Variants in PDE1C observed in about 807,000 individuals in gnomAD.
PDE1C encodes the protein dual specificity calcium/calmodulin-dependent 3',5'-cyclic nucleotide phosphodiesterase 1C.
A neutral mutation model predicts 93.1 loss-of-function variants in PDE1C; 62 were observed. That is an observed-to-expected ratio of 0.67 (90% CI 0.54 to 0.82). The LOEUF (loss-of-function observed/expected upper bound fraction) is 0.82, where lower values mean the gene tolerates loss of function less well. Among genes scored for constraint, PDE1C ranks in the 40% least tolerant of loss-of-function variants. The probability of loss-of-function intolerance (pLI) is 0.00; values close to 1 mark genes in which losing one functional copy is unlikely to be tolerated. For missense variants in PDE1C, 742 were observed against 884.6 expected, an observed-to-expected ratio of 0.84 and a Z score of 2.04; for synonymous variants, 325 against 310.1, an observed-to-expected ratio of 1.05 and a Z score of -0.50.
intron 2 of PDE1C, among the ~76,000 whole-genome samples, chr7:31,997,907 G>GA (rs1784929516): frequency 6.6e-6 from 1 of 152,134 alleles, no homozygotes. Flanking sequence ...TTTGAACTTG[G>GA]AATATATGAG....
Position 31,775,681 on chromosome 7 carries a change from C to CA in PDE1C, c.1942dup (p.Cys648LeufsTer16). The CA allele has an allele frequency of 1.2e-6, 2 of 1,612,742 alleles. No homozygotes were observed. Among genetic ancestry groups the CA allele is most frequent in the African/African-American group, 1.3e-5 (1 of 75,016 alleles). On this transcript the variant is annotated frameshift_variant, in exon 17 of 18. Transcript: ENST00000396191. LOFTEE classifies it high-confidence loss of function. Reference sequence around the variant, plus strand: ...TTACCCACCTGGCAACGTAAGGCGACACGTGGAGCTGGTGCTTGGGGCTGG... The same window carrying CA: ...TTACCCACCTGGCAACGTAAGGCGACAACGTGGAGCTGGTGCTTGGGGCTGG...
chr7:31,642,588 C>A, the PDE1C span: 1 of 1,134,538 alleles, frequency 8.8e-7, no homozygotes, highest in Non-Finnish European at 1.2e-6. Flanking sequence ...TATCTCCTGA[C>A]TCCTAAGGCA....
intron 2 of PDE1C, among the ~76,000 whole-genome samples, chr7:31,974,344 CTT>C (rs1563128620): frequency 2.6e-5 from 4 of 152,130 alleles, no homozygotes; most frequent in Admixed American, 2.0e-4. Context: ...CAACAAAAAT[CTT>C]TGTCAAATTT....
At chr7:32,044,677 C>T (rs1006754621) in intron 2 of PDE1C, among the ~76,000 whole-genome samples, 4 of 152,020 alleles carry the variant, frequency 2.6e-5, no homozygotes, top group Non-Finnish European at 4.4e-5. Context: ...GCCCACAATC[C>T]GTTAGGGACC....
chr7:31,738,546 T>G, the PDE1C span, among the ~76,000 whole-genome samples: 1 of 152,116 alleles, frequency 6.6e-6, no homozygotes, highest in African/African-American at 2.4e-5. Context: ...AAGGTGAGAT[T>G]TGGGTGAAGA....
At chr7:31,834,187 C>T (rs972186086) in intron 11 of PDE1C, among the ~76,000 whole-genome samples, 1 of 152,218 alleles carries the variant, frequency 6.6e-6, no homozygotes, top group African/African-American at 2.4e-5. Context: ...ATGAAACCAC[C>T]TGGATGTCCA....
chr7:32,317,685 G>A (rs1191254161), intron 1 of PDE1C, among the ~76,000 whole-genome samples: 1 of 151,966 alleles, frequency 6.6e-6, no homozygotes. Context: ...ATATTGACAT[G>A]AACAGTGCAA....
At chr7:31,946,066 T>A (rs1806564237) in intron 2 of PDE1C, among the ~76,000 whole-genome samples, 1 of 152,194 alleles carries the variant, frequency 6.6e-6, no homozygotes, top group Admixed American at 6.5e-5. Flanking sequence ...CCATCTATTA[T>A]TGCATGTTGT....
chr7:31,660,250 T>C, the PDE1C span, among the ~76,000 whole-genome samples: 2 of 152,202 alleles, frequency 1.3e-5, no homozygotes, highest in Admixed American at 6.5e-5. Context: ...TAGCCCACTG[T>C]CACTTTTCTA....
chr7:32,372,233 T>C (rs1683145318), intron 1 of PDE1C, among the ~76,000 whole-genome samples: 1 of 152,042 alleles, frequency 6.6e-6, no homozygotes, highest in African/African-American at 2.4e-5. Context: ...TTTGCATTTT[T>C]AATAGAGATG....
chr7:31,975,394 G>T lies in PDE1C; in HGVS notation c.128+76160C>A, dbSNP rs867811736. 3.3e-5 allele frequency among the ~76,000 whole-genome samples: 5 copies of T among 152,172 alleles called. 1 individual carries two copies. In the Middle Eastern group the frequency reaches 0.017, roughly 518 times the overall value. On this transcript the variant is annotated intron_variant, in intron 2 of 17. Transcript: ENST00000396191. ...GCAATTCTATCAAAATGTCCGTGTA[G>T]CACCAATCCCTTCCTCTCAGACCTA...
At chr7:32,226,111 G>C (rs1053350710) in intron 1 of PDE1C, among the ~76,000 whole-genome samples, 1 of 152,108 alleles carries the variant, frequency 6.6e-6, no homozygotes, top group Non-Finnish European at 1.5e-5. Context: ...AGAGGATTTT[G>C]ACGTCCATTG....
At chr7:31,849,901 T>C (rs10951311) in intron 8 of PDE1C, among the ~76,000 whole-genome samples, 76,547 of 151,984 alleles carry the variant, frequency 0.5, 21,736 homozygotes, top group Non-Finnish European at 0.62. Flanking sequence ...ACTGGTGCTA[T>C]TGCCTGGAAT....
intron 2 of PDE1C, among the ~76,000 whole-genome samples, chr7:31,905,809 T>C (rs1185758885): frequency 1.3e-5 from 2 of 152,134 alleles, no homozygotes; most frequent in African/African-American, 4.8e-5. Flanking sequence ...AGGAACCTGG[T>C]AGGAGGTAAT....
At chr7:32,338,245 T>C (rs1264524413) in intron 1 of PDE1C, among the ~76,000 whole-genome samples, 2 of 152,162 alleles carry the variant, frequency 1.3e-5, no homozygotes, top group Admixed American at 1.3e-4. Context: ...ATCCAGACTA[T>C]ATGAAGAGCT....
chr7:31,859,484 T>C (rs1794425883), intron 7 of PDE1C, among the ~76,000 whole-genome samples: 1 of 150,468 alleles, frequency 6.6e-6, no homozygotes, highest in Non-Finnish European at 1.5e-5. Context: ...TCATAGGATA[T>C]ATGATATAAT....
intron 2 of PDE1C, among the ~76,000 whole-genome samples, chr7:31,913,077 T>C (rs935307386): frequency 1.3e-5 from 2 of 152,172 alleles, no homozygotes; most frequent in Admixed American, 1.3e-4. Context: ...CCAAGCTCTG[T>C]TGATTCACCA....
chr7:32,066,543 A>T (rs979245371), intron 1 of PDE1C, among the ~76,000 whole-genome samples: 1 of 152,184 alleles, frequency 6.6e-6, no homozygotes, highest in African/African-American at 2.4e-5. Context: ...CTCAGTTTTT[A>T]AAAAATGCAG....
At chr7:32,054,886 G>A (rs11973592) in intron 1 of PDE1C, among the ~76,000 whole-genome samples, 11,704 of 152,102 alleles carry the variant, frequency 0.077, 517 homozygotes, top group Non-Finnish European at 0.09. Flanking sequence ...ATTTTGAATG[G>A]GCAAGATTGG....
Sources: gnomAD v4.1 joint callset for allele counts (sites outside exome capture counted in the v4.1 genomes callset) on GRCh38, gnomAD v4.1.1 for gene constraint, MANE v1.5 for transcripts, NCBI Gene and HGNC (gene_info 2026-07-23, HGNC 2026-07-21) for gene names.